Variants in ATP2A1 observed in about 807,000 individuals in gnomAD.
ATP2A1 encodes sarcoplasmic/endoplasmic reticulum calcium ATPase 1.
Under a neutral mutation model 109.5 loss-of-function variants are expected in ATP2A1, and 83 were observed. That is an observed-to-expected ratio of 0.76 (90% CI 0.63 to 0.91). The LOEUF is 0.91. ATP2A1 is among the 40% of genes least tolerant of loss of function. ATP2A1 has a pLI of 0.00. For missense variants in ATP2A1, 1,101 were observed against 1,341.0 expected, an observed-to-expected ratio of 0.82 and a Z score of 2.80; for synonymous variants, 505 against 537.6, an observed-to-expected ratio of 0.94 and a Z score of 0.84.
At position 28,902,233 on chromosome 16, in the gene ATP2A1, C is replaced by T. The variant is rs895911431; in HGVS notation, c.2371C>T (p.Gln791Ter). Reference sequence around the variant, plus strand: ...GCTGCCTGAGGCCCTGATCCCGGTGCAGCTGCTATGGGTGAACTTGGTGAC... The same window carrying T: ...GCTGCCTGAGGCCCTGATCCCGGTGTAGCTGCTATGGGTGAACTTGGTGAC... ...LGLPEALIPV[Q>*]LLWVNLVTDG... The change falls in exon 17 of 23, where the codon CAG becomes TAG. Residue 791 changes from glutamine (Q) to a stop codon, truncating the protein, a stop_gained. Coordinates refer to ENST00000395503, the MANE Select transcript of ATP2A1 (RefSeq NM_004320.6). LOFTEE classifies it high-confidence loss of function. The surrounding 1 kb of genome is among the most constrained non-coding windows in gnomAD (Gnocchi z 4.8). 3.7e-6 allele frequency: 6 copies of T among 1,614,012 alleles called. No homozygotes were observed. The African/African-American group carries it at 5.3e-5, about 14-fold the overall frequency.
chr16:28,892,918 C>T (rs1001363572), intron 9 of ATP2A1, among the ~76,000 whole-genome samples: 3 of 152,184 alleles, frequency 2.0e-5, no homozygotes, highest in Admixed American at 6.6e-5. Context: ...GTGGCGTATG[C>T]CTGTACTCCC....
intron 9 of ATP2A1, among the ~76,000 whole-genome samples, chr16:28,892,135 G>GTT (rs1963788960): frequency 6.6e-6 from 1 of 152,220 alleles, no homozygotes; most frequent in Non-Finnish European, 1.5e-5. Flanking sequence ...ATCTGCAACA[G>GTT]TGGTAATGTG....
intron 4 of ATP2A1, chr16:28,881,457 T>C: frequency 3.6e-6 from 1 of 274,066 alleles, no homozygotes; most frequent in South Asian, 4.0e-5. Context: ...AAAACCCAAA[T>C]GCTACCTTGC....
At chr16:28,891,977 G>C (rs1471437113) in intron 9 of ATP2A1, among the ~76,000 whole-genome samples, 1 of 152,126 alleles carries the variant, frequency 6.6e-6, no homozygotes, top group East Asian at 1.9e-4. Context: ...GTGAAATACA[G>C]TTCTATCAAA....
At chr16:28,900,476 C>G (rs1354406759) in intron 14 of ATP2A1, 105 bp from the exon 15 acceptor site, 13 of 977,652 alleles carry the variant, frequency 1.3e-5, no homozygotes, top group Non-Finnish European at 1.4e-6. Context: ...CACCCCTCCC[C>G]ACCACTTCCT....
chr16:28,901,644 T>A (rs954247544), intron 15 of ATP2A1, among the ~76,000 whole-genome samples: 1 of 150,822 alleles, frequency 6.6e-6, no homozygotes, highest in African/African-American at 2.4e-5. Context: ...AAAAAAAAAG[T>A]GTGCCGATCT....
rs759078372 is a variant in ATP2A1 at position 28,898,273 on chromosome 16, G to A, written c.1586G>A (p.Arg529Gln). Residue 529 changes from arginine to glutamine, a missense_variant, in exon 14 of 23, where the codon CGA (arginine) becomes CAA (glutamine). Arg to Gln is a conservative substitution (Grantham distance 43). Coordinates refer to ENST00000395503, the MANE Select transcript of ATP2A1 (RefSeq NM_004320.6). This position sits in a 1 kb window ranked among gnomAD's most constrained non-coding sequence, Gnocchi z 4.0. ...GTCATCGACCGCTGTAACTATGTGC[G>A]AGTTGGCACCACCCGGGTGCCACTG... is the stretch of plus-strand genomic sequence containing the variant. ...EGVIDRCNYV[R>Q]VGTTRVPLTG... is the part of the protein sequence containing the mutation. 52 of 1,614,122 alleles carry A rather than the reference G, an allele frequency of 3.2e-5. No individual in the cohort carries two copies. Among genetic ancestry groups the A allele is most frequent in the East Asian group, 6.7e-5 (3 of 44,908 alleles).
Position 28,879,520 on chromosome 16 carries a change from G to A in ATP2A1, c.156G>A (p.Leu52=). ...PAEEGKTLWE[L]VIEQFEDLLV... is the part of the protein sequence containing the mutation. ...CCCCAGGGAAGACCCTGTGGGAGCTGGTGATAGAGCAGTTTGAAGACCTCC... is the reference window on the plus strand; with the variant it reads ...CCCCAGGGAAGACCCTGTGGGAGCTAGTGATAGAGCAGTTTGAAGACCTCC... Residue 52 remains leucine, a synonymous_variant, in exon 3 of 23, where the codon CTG becomes CTA. Transcript: ENST00000395503. 1.2e-6 allele frequency: 2 copies of A among 1,614,126 alleles called. No individual in the cohort carries two copies. The highest frequency in any genetic ancestry group is 1.7e-6 in the Non-Finnish European group (2 of 1,180,002).
intron 15 of ATP2A1, among the ~76,000 whole-genome samples, chr16:28,901,202 G>A (rs1030308037): frequency 4.6e-5 from 7 of 151,858 alleles, no homozygotes; most frequent in African/African-American, 1.7e-4. Flanking sequence ...GCCTCACAGT[G>A]GCACATATTT....
intron 2 of ATP2A1, 182 bp downstream of exon 2, chr16:28,879,298 A>G: frequency 2.2e-6 from 2 of 903,608 alleles, no homozygotes; most frequent in Non-Finnish European, 3.6e-6. Flanking sequence ...TTCTCCTTGA[A>G]GCAGCCAACC....
intron 12 of ATP2A1, among the ~76,000 whole-genome samples, 171 bp from the exon 13 acceptor site, chr16:28,897,829 A>G (rs912581033): frequency 2.0e-5 from 3 of 152,096 alleles, no homozygotes; most frequent in Non-Finnish European, 4.4e-5. Context: ...CTGTGCTTTA[A>G]CCTAGGACCC....
chr16:28,901,027 T>G, intron 15 of ATP2A1, 111 bp downstream of exon 15: 1 of 1,405,616 alleles, frequency 7.1e-7, no homozygotes, highest in Non-Finnish European at 9.9e-7. Flanking sequence ...GCAAGAAGGG[T>G]GGGGATTCAG....
chr16:28,888,606 T>C (rs1963683964), intron 8 of ATP2A1, among the ~76,000 whole-genome samples, 181 bp from the exon 9 acceptor site: 1 of 151,812 alleles, frequency 6.6e-6, no homozygotes, highest in Non-Finnish European at 1.5e-5. Context: ...AGTCTCACTG[T>C]GTTTTCCAGG....
intron 12 of ATP2A1, 140 bp downstream of exon 12, chr16:28,895,093 TC>T: frequency 7.8e-7 from 1 of 1,282,786 alleles, no homozygotes; most frequent in Non-Finnish European, 1.1e-6. Context: ...CTGCAGCTTC[TC>T]CACAGGCTGA....
intron 9 of ATP2A1, 131 bp downstream of exon 9, chr16:28,889,084 A>G: frequency 7.7e-7 from 1 of 1,301,888 alleles, no homozygotes; most frequent in Non-Finnish European, 1.1e-6. Flanking sequence ...CTCAAAGGGC[A>G]GTAGAACGCC....
intron 5 of ATP2A1, 109 bp from the exon 6 acceptor site, chr16:28,884,466 G>T: frequency 9.1e-7 from 1 of 1,096,812 alleles, no homozygotes; most frequent in South Asian, 1.3e-5. Flanking sequence ...GCCTCCCTGA[G>T]ACCTGAAGGA....
In ATP2A1 at chr16:28,898,136, G is replaced by T; in HGVS notation, c.1545+11G>T. The T allele has an allele frequency of 6.2e-7, 1 of 1,614,174 alleles. No individual in the cohort carries two copies. Among genetic ancestry groups the T allele is most frequent in the Non-Finnish European group, 8.5e-7 (1 of 1,180,042 alleles). On this transcript the variant is annotated intron_variant, in intron 13 of 22. Coordinates refer to ENST00000395503, the MANE Select transcript of ATP2A1 (RefSeq NM_004320.6). The surrounding 1 kb of genome is among the most constrained non-coding windows in gnomAD (Gnocchi z 4.0). The stretch of plus-strand genomic sequence containing the variant: ...AAGATGTTTGTCAAGGTCAGAAATC[G>T]GAATGTGCCTCAGCCCCCTCTTCTT...
intron 9 of ATP2A1, among the ~76,000 whole-genome samples, chr16:28,890,253 G>A (rs1365371835): frequency 1.5e-5 from 2 of 131,588 alleles, no homozygotes; most frequent in African/African-American, 5.8e-5. Context: ...CCAGGAATTC[G>A]AGACCAGCCT....
chr16:28,890,756 GCTCACTACAAC>G (rs1963748403), intron 9 of ATP2A1, among the ~76,000 whole-genome samples: 1 of 151,996 alleles, frequency 6.6e-6, no homozygotes. Context: ...CCCAGTCTCG[GCTCACTACAAC>G]CTTCACCTCC....
Sources: gnomAD v4.1 joint callset for allele counts (sites outside exome capture counted in the v4.1 genomes callset) on GRCh38, gnomAD v4.1.1 for gene constraint, Gnocchi (gnomAD v3.1) non-coding constraint, MANE v1.5 for transcripts, NCBI Gene and HGNC (gene_info 2026-07-23, HGNC 2026-07-21) for gene names.